The following UVRAG variants were observed in gnomAD, a reference collection of about 807,000 sequenced individuals.
UVRAG encodes UV radiation resistance-associated gene protein.
A neutral mutation model predicts 78.0 loss-of-function variants in UVRAG; 19 were observed. The observed-to-expected ratio is 0.24, with a 90% CI of 0.17 to 0.36. The LOEUF (loss-of-function observed/expected upper bound fraction) is 0.36, where lower values mean the gene tolerates loss of function less well. Ranked by LOEUF, UVRAG falls within the 10% of genes least tolerant of loss-of-function variation. The pLI is 1.00. For missense variants in UVRAG, 740 were observed against 853.8 expected (o/e 0.87, Z 1.66); for synonymous variants, 323 against 324.6 (o/e 1.00, Z 0.05).
chr11:76,137,242 C>A, intron 14 of UVRAG: 1 of 435,528 alleles, frequency 2.3e-6, no homozygotes, highest in African/African-American at 2.0e-5. Flanking sequence ...GTATAGTGGC[C>A]ACTGCGGGCA....
At chr11:75,961,061 T>G (rs997667369) in intron 6 of UVRAG, among the ~76,000 whole-genome samples, 3 of 152,092 alleles carry the variant, frequency 2.0e-5, no homozygotes, top group African/African-American at 7.2e-5. Flanking sequence ...CTAGAAGTAA[T>G]TGTCACCTTT....
chr11:76,086,575 AC>A (rs1255155475), intron 13 of UVRAG, among the ~76,000 whole-genome samples: 2 of 152,208 alleles, frequency 1.3e-5, no homozygotes, highest in Non-Finnish European at 2.9e-5. Flanking sequence ...TTGCTTTCAT[AC>A]TTTTAAAAAC....
At chr11:76,021,036 G>A (rs1950237529) in intron 12 of UVRAG, among the ~76,000 whole-genome samples, 1 of 152,118 alleles carries the variant, frequency 6.6e-6, no homozygotes, top group African/African-American at 2.4e-5. Flanking sequence ...CAATCGCTGT[G>A]CTCTCCCTCC....
rs1950359279 is a variant in UVRAG at position 76,027,929 on chromosome 11, C to T, written c.1226+10949C>T. 3.3e-5 allele frequency among the ~76,000 whole-genome samples: 5 copies of T among 151,420 alleles called. No individual in the cohort carries two copies. The South Asian group carries it at 1.0e-3, about 32-fold the overall frequency. On this transcript the variant is annotated intron_variant, in intron 12 of 14. Transcript: ENST00000356136. ...ATAAAAACTGGTGTAGGTCTGAAGG[C>T]TTGTCTGTTTACAGGCATACCTCAT... is the stretch of plus-strand genomic sequence containing the variant.
chr11:75,928,296 A>C (rs1286298153), intron 6 of UVRAG, among the ~76,000 whole-genome samples: 1 of 152,188 alleles, frequency 6.6e-6, no homozygotes, highest in Non-Finnish European at 1.5e-5. Context: ...CTGCAGGAAG[A>C]ATGGCGTCTA....
chr11:75,863,677 G>T (rs1463217339), intron 3 of UVRAG, among the ~76,000 whole-genome samples: 1 of 152,188 alleles, frequency 6.6e-6, no homozygotes, highest in Non-Finnish European at 1.5e-5. Context: ...GTGAGGTCAT[G>T]ATACCTTCAT....
chr11:75,910,800 T>G (rs569769969), intron 5 of UVRAG, among the ~76,000 whole-genome samples: 3 of 152,330 alleles, frequency 2.0e-5, no homozygotes, highest in Non-Finnish European at 2.9e-5. Context: ...TTGTCCTGTA[T>G]TCTTTTTAGA....
intron 6 of UVRAG, among the ~76,000 whole-genome samples, chr11:75,950,643 T>C (rs1948674037): frequency 6.6e-6 from 1 of 152,158 alleles, no homozygotes; most frequent in Non-Finnish European, 1.5e-5. Flanking sequence ...CCAAAGTAGT[T>C]ATACATTTTT....
chr11:76,054,383 C>T (rs1324476564), intron 12 of UVRAG, among the ~76,000 whole-genome samples: 2 of 152,190 alleles, frequency 1.3e-5, no homozygotes, highest in African/African-American at 4.8e-5. Context: ...GTAGCCTCCC[C>T]TTGTTTCTTT....
intron 5 of UVRAG, among the ~76,000 whole-genome samples, chr11:75,905,388 G>T (rs1346959894): frequency 1.3e-5 from 2 of 152,160 alleles, no homozygotes; most frequent in Non-Finnish European, 2.9e-5. Context: ...CTGTCAAGTT[G>T]CAAAACATTT....
chr11:75,950,121 A>G (rs1321761298), intron 6 of UVRAG, among the ~76,000 whole-genome samples: 1 of 152,132 alleles, frequency 6.6e-6, no homozygotes. Flanking sequence ...ATTTCCTTCT[A>G]TGAATATATT....
At chr11:75,983,164 G>A (rs1209147063) in intron 7 of UVRAG, among the ~76,000 whole-genome samples, 1 of 151,990 alleles carries the variant, frequency 6.6e-6, no homozygotes, top group Non-Finnish European at 1.5e-5. Context: ...TGTCTGTTGG[G>A]TCCCCAGACT....
chr11:75,987,375 G>A (rs142883375), intron 8 of UVRAG, among the ~76,000 whole-genome samples: 28 of 152,090 alleles, frequency 1.8e-4, no homozygotes, highest in Non-Finnish European at 2.6e-4. Context: ...CCAGATTTTC[G>A]TATGTTAATT....
At chr11:75,826,675 G>C (rs930779868) in intron 1 of UVRAG, among the ~76,000 whole-genome samples, 3 of 151,318 alleles carry the variant, frequency 2.0e-5, no homozygotes, top group Non-Finnish European at 2.9e-5. Context: ...TTTGTCCCTG[G>C]GTACTTACCA....
intron 10 of UVRAG, 74 bp downstream of exon 10, chr11:76,007,695 A>C: frequency 8.6e-7 from 1 of 1,166,080 alleles, no homozygotes; most frequent in Admixed American, 1.8e-5. Context: ...CTCTCAATGA[A>C]AAAACTCATT....
At chr11:75,843,957 T>TAAAAA (rs557175299) in intron 1 of UVRAG, among the ~76,000 whole-genome samples, 3 of 115,010 alleles carry the variant, frequency 2.6e-5, no homozygotes, top group African/African-American at 9.4e-5. Context: ...AGACGCCATC[T>TAAAAA]AAAAAAAAAA....
chr11:75,927,226 C>T (rs996909230), intron 6 of UVRAG, among the ~76,000 whole-genome samples: 5 of 152,054 alleles, frequency 3.3e-5, no homozygotes, highest in East Asian at 1.9e-4. Context: ...TGTGCCACTA[C>T]GCCCGTCTAA....
In UVRAG at chr11:76,140,963, C is replaced by G; in HGVS notation, c.1650C>G (p.Ser550=). The part of the protein sequence containing the change: ...TERKITSLSS[S]LDTSLDFSKE... ...GAAAGATAACATCTCTATCCTCCTC[C>G]TTGGATACCTCCTTGGACTTCTCCA... Residue 550 remains serine, a synonymous_variant, in exon 15 of 15, where the codon TCC becomes TCG. Transcript: ENST00000356136. 1 of 1,614,126 alleles carries G rather than the reference C, an allele frequency of 6.2e-7. No homozygotes were observed.
chr11:75,877,378 C>T (rs1469036692), intron 3 of UVRAG, among the ~76,000 whole-genome samples: 3 of 152,102 alleles, frequency 2.0e-5, no homozygotes, highest in South Asian at 2.1e-4. Flanking sequence ...ACCTCCCAGA[C>T]GGGGTGGTGG....
Sources: gnomAD v4.1 joint callset for allele counts (sites outside exome capture counted in the v4.1 genomes callset) on GRCh38, gnomAD v4.1.1 for gene constraint, MANE v1.5 for transcripts, NCBI Gene and HGNC (gene_info 2026-07-23, HGNC 2026-07-21) for gene names.